CNNM1: variants seen among roughly 807,000 people sequenced by gnomAD.
The protein encoded by CNNM1 is metal transporter CNNM1.
In CNNM1, 44 loss-of-function variants were observed where a neutral mutation model predicts 78.8. That is an observed-to-expected ratio of 0.56 (90% CI 0.44 to 0.72). The LOEUF is 0.72. CNNM1 is among the 30% of genes least tolerant of loss of function. The pLI, the probability that CNNM1 is intolerant of heterozygous loss-of-function variation, is 0.00. For synonymous variants in CNNM1, 584 were observed against 581.5 expected (o/e 1.00, Z -0.06); for missense variants, 1,101 against 1,292.2 (o/e 0.85, Z 2.27).
rs1335702021 is a variant in CNNM1 at position 99,391,526 on chromosome 10, G to A, written c.*10G>A. The A allele has an allele frequency of 2.5e-6, 4 of 1,611,862 alleles. No individual in the cohort carries two copies. Among genetic ancestry groups the A allele is most frequent in the Non-Finnish European group, 3.4e-6 (4 of 1,178,396 alleles). ...ACCTCTGATCACATGACAGGGCAAA[G>A]CCAGCATTCACTGGGTGTGTGAAAT... is the stretch of plus-strand genomic sequence containing the variant. On this transcript the variant is annotated 3_prime_UTR_variant, in exon 11 of 11. Coordinates refer to ENST00000356713, the MANE Select transcript of CNNM1 (RefSeq NM_020348.3).
intron 7 of CNNM1, among the ~76,000 whole-genome samples, chr10:99,379,870 A>G (rs1419784461): frequency 1.3e-5 from 2 of 152,098 alleles, no homozygotes; most frequent in South Asian, 2.1e-4. Flanking sequence ...TAAACAACAG[A>G]TATTTATTTC....
chr10:99,364,208 C>T (rs760676319), intron 4 of CNNM1, among the ~76,000 whole-genome samples: 1 of 152,112 alleles, frequency 6.6e-6, no homozygotes, highest in Non-Finnish European at 1.5e-5. Flanking sequence ...ATTTTATGAA[C>T]AACGAAGCAC....
rs2031405041 is a variant in CNNM1 at position 99,360,855 on chromosome 10, A to G, written c.1738A>G (p.Arg580Gly). Residue 580 changes from arginine (R) to glycine (G), a missense_variant, in exon 3 of 11, where the codon AGG (arginine) becomes GGG (glycine). Physicochemically the swap from Arg to Gly is moderately radical, Grantham distance 125. Coordinates refer to ENST00000356713, the MANE Select transcript of CNNM1 (RefSeq NM_020348.3). ...CACAGCTGACAATCGGAAAAAGCAGAGGGTCCCGCAACGGGAGCGGAAGCG... is the reference window on the plus strand; with the variant it reads ...CACAGCTGACAATCGGAAAAAGCAGGGGGTCCCGCAACGGGAGCGGAAGCG... ...DLYTDNRKKQ[R>G]VPQRERKRHD... is the part of the protein sequence containing the mutation. The G allele has an allele frequency of 1.2e-6, 2 of 1,609,056 alleles. No homozygotes were observed. Among genetic ancestry groups the G allele is most frequent in the South Asian group, 2.2e-5 (2 of 90,676 alleles).
In CNNM1 at chr10:99,392,271, C is replaced by T. The variant is rs1184497826; in HGVS notation, c.*755C>T. On this transcript the variant is annotated 3_prime_UTR_variant, in exon 11 of 11. Coordinates refer to ENST00000356713, the MANE Select transcript of CNNM1 (RefSeq NM_020348.3). ...AGTCTTCAATCGATCAATAATTCTG[C>T]TCTGGAAGAGAAGGAACAGGGAGCA... 1 of 152,392 alleles carries T rather than the reference C, an allele frequency of 6.6e-6. No homozygotes were observed. The highest frequency in any genetic ancestry group is 2.4e-5 in the African/African-American group (1 of 41,434). The allele number at this position is 152,392 out of a possible 1,614,324, so 9.4% of individuals were successfully genotyped here.
chr10:99,385,249 G>A (rs138668290), intron 7 of CNNM1, among the ~76,000 whole-genome samples: 74 of 152,248 alleles, frequency 4.9e-4, no homozygotes, highest in East Asian at 2.5e-3. Context: ...CCATTTCAAA[G>A]CCTACTGAAA....
intron 6 of CNNM1, among the ~76,000 whole-genome samples, chr10:99,373,765 C>G (rs1335826231): frequency 6.6e-6 from 1 of 152,130 alleles, no homozygotes; most frequent in Admixed American, 6.5e-5. Context: ...TCCACTTGTA[C>G]ATATTATTTA....
rs767479349 is a variant in CNNM1 at position 99,329,908 on chromosome 10, G to T, written c.521G>T (p.Arg174Leu). ...VRELRKGEAE[R>L]GGAGGGGKLF... Reference sequence around the variant, plus strand: ...GAGCTGCGCAAGGGCGAAGCGGAGCGGGGCGGCGCGGGCGGTGGCGGGAAG... The same window carrying T: ...GAGCTGCGCAAGGGCGAAGCGGAGCTGGGCGGCGCGGGCGGTGGCGGGAAG... Residue 174 changes from arginine (R) to leucine (L), a missense_variant, in exon 1 of 11, where the codon CGG (arginine) becomes CTG (leucine). Around this residue, in one of 3 missense-constraint regions of CNNM1, gnomAD observed 476 missense variants for 484.5 expected, o/e 0.98. Coordinates refer to ENST00000356713, the MANE Select transcript of CNNM1 (RefSeq NM_020348.3). 4 of 1,384,994 alleles carry T rather than the reference G, an allele frequency of 2.9e-6. No homozygotes were observed. The highest frequency in any genetic ancestry group is 3.1e-5 in the African/African-American group (2 of 65,268). 85.8% of individuals were successfully genotyped at this position (1,384,994 alleles called of 1,614,324 possible). A position where few individuals can be genotyped will look rare whatever the true frequency, so the allele number is the denominator to read the frequency against.
At chr10:99,356,584 GAAAGAAAGAAAGAAAGAAAGA>G (rs2031204551) in intron 1 of CNNM1, among the ~76,000 whole-genome samples, 1 of 63,442 alleles carries the variant, frequency 1.6e-5, no homozygotes, top group Non-Finnish European at 4.0e-5. Flanking sequence ...AAGAAAGAAA[GAAAGAAAGAAAGAAAGAAAGA>G]AAAGAAAGAA....
chr10:99,360,357 G>C, intron 2 of CNNM1, among the ~76,000 whole-genome samples: 1 of 152,112 alleles, frequency 6.6e-6, no homozygotes, highest in Admixed American at 6.5e-5. Context: ...AATTCCCTGG[G>C]CCCCTGCAAC....
At chr10:99,337,988 C>A (rs1329680101) in intron 1 of CNNM1, among the ~76,000 whole-genome samples, 1 of 152,212 alleles carries the variant, frequency 6.6e-6, no homozygotes, top group Non-Finnish European at 1.5e-5. Context: ...TTTATTACAA[C>A]AATTTCTTTT....
At position 99,365,002 on chromosome 10, in the gene CNNM1, C is replaced by G; in HGVS notation, c.2176C>G (p.Leu726Val). ...AAGTCTGGCTGGATCTTCTGTCTTTCGTATGTATCTCTCAAACCCCTTCCT... is the reference window on the plus strand; with the variant it reads ...AAGTCTGGCTGGATCTTCTGTCTTTGGTATGTATCTCTCAAACCCCTTCCT... ...VGSLAGSSVFLNRSPSRCSGL... is the reference protein window; with the variant it reads ...VGSLAGSSVFVNRSPSRCSGL... Residue 726 changes from leucine to valine, a missense_variant and splice_region_variant, in exon 6 of 11, where the codon CTA becomes GTA. Leu to Val is a conservative substitution (Grantham distance 32). Around this residue, in one of 3 missense-constraint regions of CNNM1, gnomAD observed 348 missense variants for 384.5 expected, o/e 0.90. Coordinates refer to ENST00000356713, the MANE Select transcript of CNNM1 (RefSeq NM_020348.3). 1 of 1,613,838 alleles carries G rather than the reference C, an allele frequency of 6.2e-7. No individual in the cohort carries two copies. Among genetic ancestry groups the G allele is most frequent in the Non-Finnish European group, 8.5e-7 (1 of 1,179,828 alleles).
chr10:99,348,279 C>A (rs1475326328), intron 1 of CNNM1, among the ~76,000 whole-genome samples: 3 of 152,140 alleles, frequency 2.0e-5, no homozygotes, highest in Admixed American at 6.5e-5. Flanking sequence ...CCCCTGGGCC[C>A]AAGCAGTCCT....
rs557675436 is a variant in CNNM1 at position 99,340,876 on chromosome 10, T to G, written c.1573+9916T>G. Among the ~76,000 whole-genome samples the G allele has an allele frequency of 4.3e-3, 598 of 138,250 alleles. 13 individuals carry two copies. Among genetic ancestry groups the G allele is most frequent in the South Asian group, 2.7e-3 (11 of 4,132 alleles). The allele number at this position is 138,250 out of a possible 152,430, so 90.7% of individuals were successfully genotyped here. A position where few individuals can be genotyped will look rare whatever the true frequency, so the allele number is the denominator to read the frequency against. On this transcript the variant is annotated intron_variant, in intron 1 of 10. Coordinates refer to ENST00000356713, the MANE Select transcript of CNNM1 (RefSeq NM_020348.3). ...CTCCTTCCCCGCTTCCTTCCTTCCT[T>G]CCTGCCTGCCTGCCTGCCTGCCTGC...
chr10:99,388,418 C>T (rs2032374209), intron 9 of CNNM1, 117 bp downstream of exon 9: 4 of 1,140,456 alleles, frequency 3.5e-6, no homozygotes, highest in Non-Finnish European at 4.9e-6. Flanking sequence ...TGCGTTAAAC[C>T]TCCGACCTCC....
In CNNM1 at chr10:99,364,524, A is replaced by G. The variant is rs2031549290; in HGVS notation, c.2128+8A>G. 3 of 1,601,394 alleles carry G rather than the reference A, an allele frequency of 1.9e-6. No individual in the cohort carries two copies. Among genetic ancestry groups the G allele is most frequent in the Non-Finnish European group, 2.6e-6 (3 of 1,172,748 alleles). ...TGACCACTGCTTGCTCAGGTATTCT[A>G]GTTTCCATTTGTTTATTGGGAAAGT... On this transcript the variant is annotated splice_region_variant and intron_variant, in intron 5 of 10. Transcript: ENST00000356713.
chr10:99,384,929 C>T (rs913926279), intron 7 of CNNM1, among the ~76,000 whole-genome samples: 54 of 151,796 alleles, frequency 3.6e-4, no homozygotes, highest in African/African-American at 1.0e-3. Flanking sequence ...ATAAGCTGGG[C>T]GTCGTGGTGT....
chr10:99,343,350 G>A (rs1021206526), intron 1 of CNNM1, among the ~76,000 whole-genome samples: 9 of 152,104 alleles, frequency 5.9e-5, no homozygotes, highest in Middle Eastern at 3.2e-3. Context: ...TTGCAAAGGC[G>A]TTATGTTTAT....
At chr10:99,347,171 C>A (rs150035495) in intron 1 of CNNM1, among the ~76,000 whole-genome samples, 2 of 150,142 alleles carry the variant, frequency 1.3e-5, no homozygotes, top group Non-Finnish European at 3.0e-5. Context: ...ACATATACCC[C>A]GAACCTAAAA....
intron 7 of CNNM1, among the ~76,000 whole-genome samples, chr10:99,387,200 C>T (rs1488372890): frequency 6.6e-6 from 1 of 152,070 alleles, no homozygotes; most frequent in African/African-American, 2.4e-5. Context: ...GCAGCCTGAC[C>T]CTCCGGATGC....
Sources: gnomAD v4.1 joint callset for allele counts (sites outside exome capture counted in the v4.1 genomes callset) on GRCh38, gnomAD v4.1.1 for gene constraint, gnomAD v4.1.1 regional missense constraint, MANE v1.5 for transcripts, NCBI Gene and HGNC (gene_info 2026-07-23, HGNC 2026-07-21) for gene names.